The following LRBA variants were observed in gnomAD, a reference collection of about 807,000 sequenced individuals.
LRBA encodes lipopolysaccharide-responsive and beige-like anchor protein.
Under a neutral mutation model 330.0 loss-of-function variants are expected in LRBA, and 176 were observed. The ratio of observed to expected loss-of-function variants is 0.53; its 90% CI spans 0.47 to 0.60. The LOEUF (loss-of-function observed/expected upper bound fraction) is 0.60. LRBA is among the 20% of genes least tolerant of loss of function. The pLI is 0.00. For synonymous variants in LRBA, 1,230 were observed against 1,193.0 expected, an observed-to-expected ratio of 1.03 and a Z score of -0.64; for missense variants, 3,259 against 3,444.8, an observed-to-expected ratio of 0.95 and a Z score of 1.35.
intron 44 of LRBA, among the ~76,000 whole-genome samples, chr4:150,462,457 T>C (rs1754894586): frequency 6.6e-6 from 1 of 151,806 alleles, no homozygotes; most frequent in Non-Finnish European, 1.5e-5. Context: ...GTACATGGAA[T>C]AAAAGCTTAT....
At position 150,707,726 on chromosome 4, in the gene LRBA, A is replaced by G. The variant is rs367597140; in HGVS notation, c.5755-24009T>C. ...CATTCTAGCAAAAAAGTCTGGTAGA[A>G]TCAAAAAGCAAGAGAGAAAATGGAA... On this transcript the variant is annotated intron_variant, in intron 36 of 56. Coordinates refer to ENST00000651943, the MANE Select transcript of LRBA (RefSeq NM_001364905.1). 1.6e-4 allele frequency among the ~76,000 whole-genome samples: 25 copies of G among 151,850 alleles called. No homozygotes were observed. The South Asian group carries it at 3.1e-3, about 19-fold the overall frequency.
intron 40 of LRBA, chr4:150,582,897 G>C (rs549286219): frequency 3.6e-6 from 4 of 1,103,330 alleles, no homozygotes. Flanking sequence ...GGTGGAAAAC[G>C]AGAGTGAAAG....
intron 47 of LRBA, among the ~76,000 whole-genome samples, chr4:150,397,566 C>A (rs1015021052): frequency 5.3e-5 from 8 of 152,208 alleles, no homozygotes; most frequent in African/African-American, 1.7e-4. Context: ...ATATGTGCCA[C>A]CATGCCAGGC....
At chr4:150,436,409 T>G (rs1561174633) in intron 45 of LRBA, among the ~76,000 whole-genome samples, 1 of 152,206 alleles carries the variant, frequency 6.6e-6, no homozygotes, top group Non-Finnish European at 1.5e-5. Context: ...AGTACATGTC[T>G]GTGTTAGTAA....
intron 34 of LRBA, among the ~76,000 whole-genome samples, chr4:150,764,667 CA>C (rs1445679521): frequency 2.0e-5 from 3 of 151,940 alleles, no homozygotes; most frequent in African/African-American, 4.8e-5. Flanking sequence ...GGCAAATAAG[CA>C]TATGAAAGAT....
intron 36 of LRBA, among the ~76,000 whole-genome samples, chr4:150,692,950 T>C (rs1784270429): frequency 6.6e-6 from 1 of 152,190 alleles, no homozygotes; most frequent in Non-Finnish European, 1.5e-5. Context: ...CACAAGGATG[T>C]ACGCCAGACA....
chr4:150,669,689 C>A (rs1339871277), intron 37 of LRBA, among the ~76,000 whole-genome samples: 1 of 151,988 alleles, frequency 6.6e-6, no homozygotes, highest in African/African-American at 2.4e-5. Context: ...CCTCAGCCTC[C>A]CGAGTAGCTG....
At chr4:150,888,880 G>C (rs1359572410) in intron 17 of LRBA, among the ~76,000 whole-genome samples, 1 of 152,178 alleles carries the variant, frequency 6.6e-6, no homozygotes, top group Non-Finnish European at 1.5e-5. Flanking sequence ...CAACTATTCT[G>C]TGTGTATTAG....
At chr4:150,336,989 G>A (rs1734836801) in intron 48 of LRBA, among the ~76,000 whole-genome samples, 1 of 152,168 alleles carries the variant, frequency 6.6e-6, no homozygotes, top group African/African-American at 2.4e-5. Context: ...AGTAGATAAA[G>A]CAGCCTGCCT....
At chr4:150,346,655 A>G (rs147364333) in intron 48 of LRBA, among the ~76,000 whole-genome samples, 1,565 of 148,396 alleles carry the variant, frequency 0.011, 20 homozygotes, top group South Asian at 0.042. Flanking sequence ...GCTATCCAGG[A>G]GACTGAGGCA....
Position 150,852,774 on chromosome 4 carries a change from G to A in LRBA, c.2936C>T (p.Ser979Phe). Residue 979 changes from serine to phenylalanine, a missense_variant, in exon 23 of 57, where the codon TCT becomes TTT. By Grantham distance (155) the Ser-to-Phe change is radical. Coordinates refer to ENST00000651943, the MANE Select transcript of LRBA (RefSeq NM_001364905.1). ...TGTGGTGAAATGAGGACAGACAGGA[G>A]AATCCTTCGTATCTGGTTGCTGGGA... Reference protein sequence around the residue: ...VGSQQPDTKDSPVCPHFTTNG... With the variant: ...VGSQQPDTKDFPVCPHFTTNG... 6.2e-7 allele frequency: 1 copy of A among 1,613,952 alleles called. No individual in the cohort carries two copies. Among genetic ancestry groups the A allele is most frequent in the Non-Finnish European group, 8.5e-7 (1 of 1,179,906 alleles).
intron 2 of LRBA, among the ~76,000 whole-genome samples, chr4:151,009,947 T>A (rs1343898648): frequency 6.6e-6 from 1 of 151,872 alleles, no homozygotes; most frequent in Non-Finnish European, 1.5e-5. Context: ...GCCACTGCAC[T>A]CCAGCATGGG....
At chr4:150,987,052 A>C (rs72963634) in intron 2 of LRBA, among the ~76,000 whole-genome samples, 8,808 of 152,284 alleles carry the variant, frequency 0.058, 769 homozygotes, top group African/African-American at 0.2. Context: ...AGGCAAAATC[A>C]TTCTTAAAGT....
intron 5 of LRBA, among the ~76,000 whole-genome samples, chr4:150,918,804 T>C (rs545878990): frequency 3.3e-5 from 5 of 152,276 alleles, no homozygotes; most frequent in African/African-American, 7.2e-5. Flanking sequence ...GTAGAGAAAT[T>C]TGACCCTTAT....
At chr4:150,782,345 G>T (rs1266579103) in intron 34 of LRBA, among the ~76,000 whole-genome samples, 1 of 152,172 alleles carries the variant, frequency 6.6e-6, no homozygotes, top group Non-Finnish European at 1.5e-5. Context: ...CCACAAACTT[G>T]GTGGCTTAAA....
At position 150,983,837 on chromosome 4, in the gene LRBA, T is replaced by A. The variant is rs554784608; in HGVS notation, c.216+30590A>T. Among the ~76,000 whole-genome samples the A allele has an allele frequency of 5.9e-5, 9 of 152,070 alleles. No homozygotes were observed. The South Asian group carries it at 6.2e-4, about 11-fold the overall frequency. On this transcript the variant is annotated intron_variant, in intron 2 of 56. Coordinates refer to ENST00000651943, the MANE Select transcript of LRBA (RefSeq NM_001364905.1). The stretch of plus-strand genomic sequence containing the variant: ...TAGAGACCAGTTACCATCTGAACTC[T>A]CAAGATACTTACATGTAAAAGAAGA...
At chr4:150,990,595 G>A (rs1202469390) in intron 2 of LRBA, among the ~76,000 whole-genome samples, 2 of 152,080 alleles carry the variant, frequency 1.3e-5, no homozygotes, top group South Asian at 4.1e-4. Flanking sequence ...AATTAGCCAG[G>A]TGTGGTGGCA....
At chr4:150,503,000 G>T (rs138379303) in intron 40 of LRBA, among the ~76,000 whole-genome samples, 9,965 of 152,286 alleles carry the variant, frequency 0.065, 528 homozygotes, top group East Asian at 0.18. Context: ...CAGCGAGGCT[G>T]GGGGAGGGGT....
intron 34 of LRBA, 125 bp from the exon 35 acceptor site, chr4:150,761,972 A>T (rs1167800792): frequency 4.9e-6 from 3 of 617,044 alleles, no homozygotes; most frequent in South Asian, 2.3e-5. Context: ...GTTATGTTAA[A>T]CCATATGAAC....
Sources: gnomAD v4.1 joint callset for allele counts (sites outside exome capture counted in the v4.1 genomes callset) on GRCh38, gnomAD v4.1.1 for gene constraint, MANE v1.5 for transcripts, NCBI Gene and HGNC (gene_info 2026-07-23, HGNC 2026-07-21) for gene names.